The following CDH13 variants were observed in gnomAD, a reference collection of about 807,000 sequenced individuals.
The protein encoded by CDH13 is cadherin-13.
In CDH13, 24 loss-of-function variants were observed where a neutral mutation model predicts 63.8. The ratio of observed to expected loss-of-function variants is 0.38; its 90% confidence interval spans 0.27 to 0.53. The LOEUF is 0.53. CDH13 is among the 20% of genes least tolerant of loss of function. The pLI is 0.85. For synonymous variants in CDH13, 503 were observed against 355.3 expected (o/e 1.42, Z -4.67); for missense variants, 1,049 against 903.1 (o/e 1.16, Z -2.07).
intron 3 of CDH13, among the ~76,000 whole-genome samples, chr16:83,049,684 C>T (rs571807275): frequency 3.9e-5 from 6 of 152,242 alleles, no homozygotes; most frequent in Admixed American, 6.5e-5. Flanking sequence ...TGTATCACTA[C>T]TTCATTCCTT....
intron 5 of CDH13, among the ~76,000 whole-genome samples, chr16:83,334,673 G>A (rs1178139369): frequency 6.6e-6 from 1 of 152,080 alleles, no homozygotes; most frequent in Non-Finnish European, 1.5e-5. Context: ...ACCATACCTG[G>A]CCCAATCTCT....
At chr16:83,068,502 C>A (rs530501751) in intron 3 of CDH13, among the ~76,000 whole-genome samples, 3 of 152,216 alleles carry the variant, frequency 2.0e-5, no homozygotes, top group Non-Finnish European at 4.4e-5. Flanking sequence ...AGGCTGTATG[C>A]GGTACAATTC....
chr16:83,780,693 C>G (rs1915455937), intron 12 of CDH13, among the ~76,000 whole-genome samples: 1 of 152,170 alleles, frequency 6.6e-6, no homozygotes, highest in South Asian at 2.1e-4. Flanking sequence ...TTTGTTCTTC[C>G]TCTTTCTCTT....
intron 3 of CDH13, among the ~76,000 whole-genome samples, chr16:83,109,923 T>C (rs894007806): frequency 6.6e-6 from 1 of 152,252 alleles, no homozygotes; most frequent in Non-Finnish European, 1.5e-5. Flanking sequence ...TGTGTTGTTA[T>C]TGCTCCTGCT....
At chr16:82,670,106 G>T (rs1218512643) in intron 1 of CDH13, among the ~76,000 whole-genome samples, 1 of 152,178 alleles carries the variant, frequency 6.6e-6, no homozygotes, top group Non-Finnish European at 1.5e-5. Context: ...TTGAGTCACC[G>T]AGCATATGGG....
At chr16:82,835,700 A>G (rs1388734336) in intron 1 of CDH13, among the ~76,000 whole-genome samples, 2 of 152,136 alleles carry the variant, frequency 1.3e-5, no homozygotes, top group Admixed American at 6.5e-5. Context: ...TGTTCTCTAG[A>G]TAGAAGTTTC....
chr16:83,444,478 T>A (rs9932767), intron 6 of CDH13, among the ~76,000 whole-genome samples: 69,446 of 152,020 alleles, frequency 0.46, 17,187 homozygotes, highest in East Asian at 0.8. Flanking sequence ...AAAGATTTTT[T>A]AAAATCTTGA....
intron 13 of CDH13, chr16:83,790,262 G>A (rs1916172467): frequency 6.6e-6 from 1 of 152,182 alleles, no homozygotes; most frequent in Non-Finnish European, 1.5e-5. Flanking sequence ...CCTGTAGGTG[G>A]CTTTACTGCA....
intron 6 of CDH13, among the ~76,000 whole-genome samples, chr16:83,435,366 G>A (rs928977310): frequency 1.3e-5 from 2 of 151,938 alleles, no homozygotes; most frequent in African/African-American, 4.8e-5. Context: ...TATTTTTAAC[G>A]GTGTAGGCAA....
intron 7 of CDH13, among the ~76,000 whole-genome samples, chr16:83,548,102 G>A (rs1312489044): frequency 6.6e-6 from 1 of 152,074 alleles, no homozygotes; most frequent in Non-Finnish European, 1.5e-5. Context: ...AGGAAGGGGG[G>A]GATGGGAAGC....
chr16:82,832,330 G>T (rs2038578362), intron 1 of CDH13, among the ~76,000 whole-genome samples: 1 of 152,120 alleles, frequency 6.6e-6, no homozygotes, highest in South Asian at 2.1e-4. Flanking sequence ...ATCTAAGCTT[G>T]ATTTTCAACC....
chr16:82,927,058 C>T, intron 2 of CDH13, among the ~76,000 whole-genome samples: 1 of 152,022 alleles, frequency 6.6e-6, no homozygotes, highest in African/African-American at 2.4e-5. Context: ...CTCCTTTATT[C>T]ATTCCTTAAT....
intron 2 of CDH13, among the ~76,000 whole-genome samples, chr16:82,898,659 G>A (rs573383077): frequency 6.6e-6 from 1 of 152,330 alleles, no homozygotes. Context: ...TGTGGGGAAT[G>A]TTTACAGAGG....
At chr16:83,643,128 T>A (rs1598403936) in intron 8 of CDH13, among the ~76,000 whole-genome samples, 1 of 51,646 alleles carries the variant, frequency 1.9e-5, no homozygotes, top group Admixed American at 2.2e-4. Context: ...CTCTGGGGAC[T>A]GTGGTGGGGT....
chr16:83,494,737 C>T (rs946651904), intron 7 of CDH13, among the ~76,000 whole-genome samples: 1 of 152,156 alleles, frequency 6.6e-6, no homozygotes, highest in African/African-American at 2.4e-5. Flanking sequence ...AATGATAGAC[C>T]ATTTCAAGAC....
chr16:83,557,830 G>A (rs2075633112), intron 7 of CDH13, among the ~76,000 whole-genome samples: 1 of 152,154 alleles, frequency 6.6e-6, no homozygotes, highest in African/African-American at 2.4e-5. Context: ...GACTTAGAGT[G>A]AGTAGAGAGG....
At chr16:83,707,725 C>T (rs181429336) in intron 10 of CDH13, among the ~76,000 whole-genome samples, 1 of 148,604 alleles carries the variant, frequency 6.7e-6, no homozygotes, top group South Asian at 2.1e-4. Flanking sequence ...AATAAAAAGT[C>T]ATTGAGTGAA....
At chr16:83,602,312 G>T (rs1011216215) in intron 7 of CDH13, 142 bp from the exon 8 acceptor site, 1 of 823,640 alleles carries the variant, frequency 1.2e-6, no homozygotes, top group Non-Finnish European at 2.1e-6. Flanking sequence ...TACACAATAG[G>T]TAAAAATGTT....
At chr16:82,672,071 A>C (rs997786985) in intron 1 of CDH13, among the ~76,000 whole-genome samples, 1 of 152,158 alleles carries the variant, frequency 6.6e-6, no homozygotes, top group African/African-American at 2.4e-5. Flanking sequence ...TTGCTTTTCA[A>C]TATGGAAGTT....
Sources: gnomAD v4.1 joint callset for allele counts (sites outside exome capture counted in the v4.1 genomes callset) on GRCh38, gnomAD v4.1.1 for gene constraint, MANE v1.5 for transcripts, NCBI Gene and HGNC (gene_info 2026-07-23, HGNC 2026-07-21) for gene names.